The following PSD3 variants were observed in gnomAD, a reference collection of about 807,000 sequenced individuals.
The protein encoded by PSD3 is PH and SEC7 domain-containing protein 3.
Under a neutral mutation model 105.5 loss-of-function variants are expected in PSD3, and 49 were observed. That is an observed-to-expected ratio of 0.46 (90% CI 0.37 to 0.59). PSD3 has a LOEUF of 0.59. Ranked by LOEUF, PSD3 falls within the 20% of genes least tolerant of loss-of-function variation. The pLI, the probability that PSD3 is intolerant of heterozygous loss-of-function variation, is 0.00. For synonymous variants in PSD3, 557 were observed against 457.8 expected (o/e 1.22, Z -2.77); for missense variants, 1,561 against 1,263.8 (o/e 1.24, Z -3.57).
intron 9 of PSD3, among the ~76,000 whole-genome samples, chr8:18,693,223 A>G (rs1451512447): frequency 6.6e-6 from 1 of 152,090 alleles, no homozygotes; most frequent in Non-Finnish European, 1.5e-5. Flanking sequence ...GACACATACG[A>G]CCTTAAATAC....
chr8:18,824,213 G>T (rs1481594240), intron 4 of PSD3, among the ~76,000 whole-genome samples: 1 of 152,156 alleles, frequency 6.6e-6, no homozygotes, highest in African/African-American at 2.4e-5. Context: ...CCCAGGCTAT[G>T]TCAATTTTCC....
Position 18,768,045 on chromosome 8 carries a change from C to T in PSD3, c.2083-2507G>A, listed in dbSNP as rs187655702. ...CAGCACTTTGGGAGGCCGAGACAGG[C>T]GGATCACTTGAGGTCAGGAGATTGA... On this transcript the variant is annotated intron_variant, in intron 8 of 15. Coordinates refer to ENST00000327040, the MANE Select transcript of PSD3 (RefSeq NM_015310.4). Among the ~76,000 whole-genome samples, 7 of 138,520 alleles carry T rather than the reference C, an allele frequency of 5.1e-5. No individual in the cohort carries two copies. The East Asian group carries it at 1.1e-3, about 21-fold the overall frequency. 90.9% of individuals were successfully genotyped at this position (138,520 alleles called of 152,430 possible).
intron 9 of PSD3, among the ~76,000 whole-genome samples, chr8:18,753,649 G>T (rs940270070): frequency 2.6e-5 from 4 of 152,168 alleles, no homozygotes; most frequent in South Asian, 4.2e-4. Context: ...GTTCAAGAAT[G>T]GTTTTAGATA....
chr8:18,692,490 T>C (rs1453776449), intron 9 of PSD3, among the ~76,000 whole-genome samples: 1 of 152,148 alleles, frequency 6.6e-6, no homozygotes, highest in South Asian at 2.1e-4. Context: ...CAGCAGTCTG[T>C]GCCAAGGCCC....
At chr8:18,682,102 C>G (rs1800422685) in intron 9 of PSD3, among the ~76,000 whole-genome samples, 1 of 151,986 alleles carries the variant, frequency 6.6e-6, no homozygotes, top group Admixed American at 6.6e-5. Flanking sequence ...AGTAGAGAAT[C>G]TTTTCATGTG....
At chr8:18,565,719 C>T (rs999283965) in intron 14 of PSD3, among the ~76,000 whole-genome samples, 2 of 152,050 alleles carry the variant, frequency 1.3e-5, no homozygotes, top group Non-Finnish European at 2.9e-5. Flanking sequence ...GGAGTCAGAG[C>T]CAGGTTGTGG....
chr8:18,595,178 T>C (rs1436196859), intron 12 of PSD3, among the ~76,000 whole-genome samples: 1 of 151,088 alleles, frequency 6.6e-6, no homozygotes, highest in Non-Finnish European at 1.5e-5. Flanking sequence ...AAATAGATCA[T>C]TATAACTGTT....
intron 10 of PSD3, among the ~76,000 whole-genome samples, chr8:18,643,994 A>G (rs1807846554): frequency 6.6e-6 from 1 of 152,196 alleles, no homozygotes; most frequent in South Asian, 2.1e-4. Context: ...TGTGGGGAGC[A>G]GAGAACTGAG....
At chr8:18,564,633 A>G (rs1312244477) in intron 14 of PSD3, among the ~76,000 whole-genome samples, 1 of 151,806 alleles carries the variant, frequency 6.6e-6, no homozygotes, top group Non-Finnish European at 1.5e-5. Flanking sequence ...TGTCTCAAAA[A>G]AAAAAAAAAA....
At position 18,546,265 on chromosome 8, in the gene PSD3, G is replaced by A. The variant is rs567322523; in HGVS notation, c.2928+9944C>T. 1.4e-3 allele frequency among the ~76,000 whole-genome samples: 209 copies of A among 152,244 alleles called. 2 individuals carry two copies. Among genetic ancestry groups the A allele is most frequent in the Non-Finnish European group, 2.4e-3 (165 of 68,006 alleles). On this transcript the variant is annotated intron_variant, in intron 15 of 15. Transcript: ENST00000327040. ...ACCTGTCTCAGCCTCCCAAAGTGCT[G>A]GGATTACAGGCGTGAGCCACCGTGC...
intron 8 of PSD3, among the ~76,000 whole-genome samples, chr8:18,787,899 G>A (rs952028234): frequency 6.6e-6 from 1 of 152,156 alleles, no homozygotes; most frequent in Non-Finnish European, 1.5e-5. Context: ...TGAACTAAGG[G>A]CAAGACTCCA....
chr8:18,751,058 G>A (rs1805444027), intron 9 of PSD3, among the ~76,000 whole-genome samples: 1 of 152,148 alleles, frequency 6.6e-6, no homozygotes, highest in Non-Finnish European at 1.5e-5. Flanking sequence ...CTCAGCCCTT[G>A]GGCAGTTGAT....
chr8:18,668,033 G>C (rs1208440016), intron 9 of PSD3, among the ~76,000 whole-genome samples: 1 of 152,136 alleles, frequency 6.6e-6, no homozygotes, highest in African/African-American at 2.4e-5. Context: ...CGCAAGCTCC[G>C]CGCGCAACCC....
intron 4 of PSD3, among the ~76,000 whole-genome samples, chr8:18,812,624 G>C (rs1253961132): frequency 1.3e-5 from 2 of 152,160 alleles, no homozygotes; most frequent in East Asian, 3.9e-4. Context: ...GCAACTTCAA[G>C]GGTGGGGTTA....
intron 4 of PSD3, among the ~76,000 whole-genome samples, chr8:18,854,919 G>T (rs1267444256): frequency 1.3e-5 from 2 of 152,154 alleles, no homozygotes; most frequent in Non-Finnish European, 1.5e-5. Flanking sequence ...CTTCAGACAC[G>T]TAAGTGGCCA....
chr8:18,535,229 AT>A lies in PSD3; in HGVS notation c.*513del, dbSNP rs1799787769. 6.3e-6 allele frequency: 1 copy of A among 159,740 alleles called. No homozygotes were observed. Among genetic ancestry groups the A allele is most frequent in the South Asian group, 1.8e-4 (1 of 5,606 alleles). 9.9% of individuals were successfully genotyped at this position (159,740 alleles called of 1,614,324 possible). A position where few individuals can be genotyped will look rare whatever the true frequency, so the allele number is the denominator to read the frequency against. ...AGCTGCCTCATATTGGAGCAACTAG[AT>A]TCCCAGCACTGTGATTCTTACTGGA... is the stretch of plus-strand genomic sequence containing the variant. On this transcript the variant is annotated 3_prime_UTR_variant, in exon 16 of 16. Coordinates refer to ENST00000327040, the MANE Select transcript of PSD3 (RefSeq NM_015310.4).
chr8:18,625,477 A>C (rs1806413570), intron 11 of PSD3, among the ~76,000 whole-genome samples: 1 of 152,142 alleles, frequency 6.6e-6, no homozygotes, highest in South Asian at 2.1e-4. Context: ...AAATGCCTAC[A>C]TCCAGGCAAT....
chr8:18,671,902 A>G (rs1260636559), intron 9 of PSD3, among the ~76,000 whole-genome samples: 1 of 152,160 alleles, frequency 6.6e-6, no homozygotes, highest in Non-Finnish European at 1.5e-5. Context: ...AAGTGCTGGA[A>G]TTACAGGCGT....
intron 11 of PSD3, among the ~76,000 whole-genome samples, chr8:18,609,607 C>T (rs899145349): frequency 1.3e-5 from 2 of 152,162 alleles, no homozygotes; most frequent in Non-Finnish European, 2.9e-5. Context: ...TAGCCTAAAG[C>T]ATGAAGAAAC....
Sources: allele counts gnomAD v4.1 joint callset (sites outside exome capture counted in the v4.1 genomes callset), GRCh38; gene constraint gnomAD v4.1.1; transcripts MANE v1.5; gene names NCBI Gene and HGNC (gene_info 2026-07-23, HGNC 2026-07-21).